Variants in LRRC3B observed in about 807,000 individuals in gnomAD.
The protein encoded by LRRC3B is leucine rich repeat containing 3B.
Under a neutral mutation model 12.8 loss-of-function variants are expected in LRRC3B, and 2 were observed. The ratio of observed to expected loss-of-function variants is 0.16; its 90% CI spans 0.06 to 0.49. The LOEUF (loss-of-function observed/expected upper bound fraction) is 0.49, where lower values mean the gene tolerates loss of function less well. LRRC3B is among the 20% of genes least tolerant of loss of function. The pLI is 0.96. For missense variants in LRRC3B, 189 were observed against 319.4 expected, an observed-to-expected ratio of 0.59 and a Z score of 3.11; for synonymous variants, 132 against 122.0, an observed-to-expected ratio of 1.08 and a Z score of -0.54.
chr3:26,674,385 A>G (rs934893821), intron 1 of LRRC3B, among the ~76,000 whole-genome samples: 1 of 152,242 alleles, frequency 6.6e-6, no homozygotes, highest in African/African-American at 2.4e-5. Flanking sequence ...TAAGCTTTTG[A>G]CTAATTTAGC....
intron 1 of LRRC3B, among the ~76,000 whole-genome samples, chr3:26,683,913 G>T (rs974898401): frequency 2.1e-4 from 32 of 152,160 alleles, no homozygotes; most frequent in African/African-American, 7.5e-4. Context: ...CAGCTCTTTG[G>T]GTTCCTTTTT....
Position 26,654,669 on chromosome 3 carries a change from C to T in LRRC3B, c.-161+31432C>T, listed in dbSNP as rs180676796. ...AGTGCAAAGTTCTTTTTGACTATAG[C>T]CTGGAGGCATAAAGGAGCAGCAGGG... On this transcript the variant is annotated intron_variant, in intron 1 of 1. Coordinates refer to ENST00000396641, the Ensembl canonical transcript of LRRC3B. 1.9e-3 allele frequency among the ~76,000 whole-genome samples: 284 copies of T among 152,214 alleles called. 2 individuals are homozygous for T. Among genetic ancestry groups the T allele is most frequent in the African/African-American group, 6.5e-3 (268 of 41,530 alleles).
chr3:26,696,546 C>A (rs961198165), intron 1 of LRRC3B, among the ~76,000 whole-genome samples: 1 of 152,134 alleles, frequency 6.6e-6, no homozygotes, highest in Non-Finnish European at 1.5e-5. Context: ...ACTACATGTT[C>A]CATTTTGCGT....
intron 1 of LRRC3B, among the ~76,000 whole-genome samples, chr3:26,629,146 A>G (rs1698695451): frequency 6.6e-6 from 1 of 152,120 alleles, no homozygotes; most frequent in African/African-American, 2.4e-5. Context: ...TCAAATACAG[A>G]TTAGTTTCCT....
chr3:26,626,833 T>C (rs1698636745), intron 1 of LRRC3B, among the ~76,000 whole-genome samples: 1 of 152,168 alleles, frequency 6.6e-6, no homozygotes, highest in African/African-American at 2.4e-5. Flanking sequence ...CTAAATAAGA[T>C]TAAATGATTT....
At chr3:26,660,360 A>G (rs1444724514) in intron 1 of LRRC3B, among the ~76,000 whole-genome samples, 2 of 152,236 alleles carry the variant, frequency 1.3e-5, no homozygotes, top group African/African-American at 2.4e-5. Context: ...CTTTTAGGCT[A>G]CACATGATGA....
intron 1 of LRRC3B, among the ~76,000 whole-genome samples, chr3:26,698,378 A>T (rs1359396330): frequency 6.6e-6 from 1 of 152,172 alleles, no homozygotes; most frequent in Admixed American, 6.5e-5. Flanking sequence ...TGCACCTTGC[A>T]CATGTCTCAT....
rs1164705682 is a variant in LRRC3B, at chr3:26,691,091, ATGTG to A, written c.-160-18410_-160-18407del. Among the ~76,000 whole-genome samples, 10 of 107,370 alleles carry A rather than the reference ATGTG, an allele frequency of 9.3e-5. No individual in the cohort carries two copies. In the South Asian group the frequency reaches 1.0e-3, roughly 11 times the overall value. 70.4% of individuals were successfully genotyped at this position (107,370 alleles called of 152,430 possible). A position where few individuals can be genotyped will look rare whatever the true frequency, so the allele number is the denominator to read the frequency against. ...TATATATGTATATGTGTGTGTGTAT[ATGTG>A]TGTGTGTGTGTATATATATATATAT... On this transcript the variant is annotated intron_variant, in intron 1 of 1. Transcript: ENST00000396641.
chr3:26,625,171 G>T (rs1193859486), intron 1 of LRRC3B: 1 of 152,436 alleles, frequency 6.6e-6, no homozygotes, highest in Non-Finnish European at 1.5e-5. Context: ...CTTTCTCCGC[G>T]GGTGCCCTAC....
chr3:26,686,020 T>C (rs1422458158), intron 1 of LRRC3B, among the ~76,000 whole-genome samples: 1 of 152,152 alleles, frequency 6.6e-6, no homozygotes, highest in African/African-American at 2.4e-5. Context: ...GACTCGGCCG[T>C]GGTATAGGAT....
intron 1 of LRRC3B, among the ~76,000 whole-genome samples, chr3:26,676,343 T>G (rs550676205): frequency 6.6e-6 from 1 of 151,628 alleles, no homozygotes; most frequent in Non-Finnish European, 1.5e-5. Flanking sequence ...GTTTGGTTTT[T>G]TTGTCCTTGC....
chr3:26,635,295 C>A (rs1250677310), intron 1 of LRRC3B, among the ~76,000 whole-genome samples: 1 of 152,128 alleles, frequency 6.6e-6, no homozygotes, highest in Non-Finnish European at 1.5e-5. Context: ...TTTGAGACAC[C>A]TTGGTCTACT....
At chr3:26,630,961 G>T (rs750921684) in intron 1 of LRRC3B, among the ~76,000 whole-genome samples, 5 of 152,166 alleles carry the variant, frequency 3.3e-5, no homozygotes, top group African/African-American at 1.2e-4. Flanking sequence ...GGATCTTCTA[G>T]CTGTGTTAGC....
chr3:26,701,069 A>G (rs1345703975), intron 1 of LRRC3B, among the ~76,000 whole-genome samples: 2 of 152,188 alleles, frequency 1.3e-5, no homozygotes, highest in Non-Finnish European at 2.9e-5. Flanking sequence ...ACTCCTAGAT[A>G]ATAGATTGTC....
chr3:26,649,548 G>GATGTTA (rs1256344618), intron 1 of LRRC3B, among the ~76,000 whole-genome samples: 2 of 152,140 alleles, frequency 1.3e-5, no homozygotes, highest in Non-Finnish European at 2.9e-5. Flanking sequence ...TCATGATGTT[G>GATGTTA]CCCAATATCC....
intron 1 of LRRC3B, among the ~76,000 whole-genome samples, chr3:26,666,239 A>G (rs1699595713): frequency 6.6e-6 from 1 of 152,168 alleles, no homozygotes; most frequent in African/African-American, 2.4e-5. Flanking sequence ...GAGTAACCGC[A>G]AGGAAAAGGT....
At chr3:26,668,024 A>G (rs1476687982) in intron 1 of LRRC3B, among the ~76,000 whole-genome samples, 2 of 152,114 alleles carry the variant, frequency 1.3e-5, no homozygotes, top group Admixed American at 6.6e-5. Flanking sequence ...ATTTTTGCAT[A>G]AGTAATGTTT....
intron 1 of LRRC3B, among the ~76,000 whole-genome samples, chr3:26,658,099 T>A (rs1699413376): frequency 6.6e-6 from 1 of 152,180 alleles, no homozygotes; most frequent in Non-Finnish European, 1.5e-5. Context: ...TTTTTTGAGA[T>A]GGAGTCTCGC....
At chr3:26,704,043 CCT>C (rs1700523138) in intron 1 of LRRC3B, among the ~76,000 whole-genome samples, 2 of 152,156 alleles carry the variant, frequency 1.3e-5, no homozygotes, top group African/African-American at 4.8e-5. Context: ...CTCTTCTCCC[CCT>C]GACAGCCCCT....
Sources: gnomAD v4.1 joint callset for allele counts (sites outside exome capture counted in the v4.1 genomes callset) on GRCh38, gnomAD v4.1.1 for gene constraint, MANE v1.5 for transcripts, NCBI Gene and HGNC (gene_info 2026-07-23, HGNC 2026-07-21) for gene names.